The following RALA variants were observed in gnomAD, a reference collection of about 807,000 sequenced individuals.
RALA encodes ras-related protein Ral-A.
Under a neutral mutation model 24.0 loss-of-function variants are expected in RALA, and 5 were observed. The observed-to-expected ratio is 0.21, with a 90% CI of 0.11 to 0.44. The LOEUF is 0.44. RALA is among the 20% of genes least tolerant of loss of function. RALA has a pLI of 0.99. For missense variants in RALA, 95 were observed against 241.2 expected, an observed-to-expected ratio of 0.39 and a Z score of 4.01; for synonymous variants, 77 against 83.8, an observed-to-expected ratio of 0.92 and a Z score of 0.44.
intron 1 of RALA, among the ~76,000 whole-genome samples, chr7:39,662,748 G>A (rs1792214873): frequency 2.6e-5 from 4 of 152,056 alleles, no homozygotes; most frequent in African/African-American, 7.2e-5. Context: ...GTCTTCTTTG[G>A]AGCCCTCCAG....
At chr7:39,689,569 G>A (rs1259294447) in intron 2 of RALA, among the ~76,000 whole-genome samples, 1 of 152,110 alleles carries the variant, frequency 6.6e-6, no homozygotes, top group Non-Finnish European at 1.5e-5. Flanking sequence ...ATTTACAAGA[G>A]CTAATAAAAA....
intron 1 of RALA, among the ~76,000 whole-genome samples, chr7:39,654,442 G>A (rs955194092): frequency 1.3e-5 from 2 of 152,012 alleles, no homozygotes; most frequent in Admixed American, 6.6e-5. Flanking sequence ...GCCTCTTTTT[G>A]TCTTCTCCTC....
intron 1 of RALA, among the ~76,000 whole-genome samples, chr7:39,660,193 A>G (rs1792163978): frequency 6.6e-6 from 1 of 152,068 alleles, no homozygotes; most frequent in Non-Finnish European, 1.5e-5. Flanking sequence ...AAAAAGTACA[A>G]AAATTAGCCG....
chr7:39,657,845 A>G lies in RALA; in HGVS notation c.-37-28786A>G, dbSNP rs183927167. On this transcript the variant is annotated intron_variant, in intron 1 of 4. Coordinates refer to ENST00000005257, the MANE Select transcript of RALA (RefSeq NM_005402.4). ...GTAGGTGCATGTGTTTAGTATTTCA[A>G]TTTTAAATATGATTGTCTTTTAATG... Among the ~76,000 whole-genome samples the G allele has an allele frequency of 2.5e-3, 382 of 152,346 alleles. 2 individuals carry two copies. The highest frequency in any genetic ancestry group is 8.7e-3 in the African/African-American group (360 of 41,574).
intron 4 of RALA, among the ~76,000 whole-genome samples, chr7:39,701,509 T>C (rs1370377491): frequency 6.6e-6 from 1 of 152,068 alleles, no homozygotes; most frequent in Non-Finnish European, 1.5e-5. Flanking sequence ...TGAGACCCTA[T>C]CTCAAAAACA....
At chr7:39,667,533 G>A (rs1792306221) in intron 1 of RALA, among the ~76,000 whole-genome samples, 2 of 152,226 alleles carry the variant, frequency 1.3e-5, no homozygotes, top group South Asian at 2.1e-4. Context: ...AGGGAGGCCT[G>A]TAGGGGGAAT....
chr7:39,668,226 A>G (rs1792316962), intron 1 of RALA, among the ~76,000 whole-genome samples: 1 of 152,246 alleles, frequency 6.6e-6, no homozygotes, highest in South Asian at 2.1e-4. Context: ...GATACTAGCA[A>G]TACTAGCATA....
intron 1 of RALA, among the ~76,000 whole-genome samples, chr7:39,672,144 A>C (rs1480199868): frequency 6.6e-6 from 1 of 152,204 alleles, no homozygotes; most frequent in Non-Finnish European, 1.5e-5. Context: ...ATAAGCCACA[A>C]ACTGGAAGAA....
chr7:39,696,667 TC>T lies in RALA; in HGVS notation c.324-17del, dbSNP rs1293005516. 1.3e-6 allele frequency: 2 copies of T among 1,560,458 alleles called. No homozygotes were observed. The highest frequency in any genetic ancestry group is 1.7e-6 in the Non-Finnish European group (2 of 1,148,988). ...TCCTTATAATGTTAATATTTCTTTT[TC>T]ATTTTCTCTTATCCAGGGAGCAGAT... On this transcript the variant is annotated splice_polypyrimidine_tract_variant and intron_variant, in intron 3 of 4. Coordinates refer to ENST00000005257, the MANE Select transcript of RALA (RefSeq NM_005402.4).
intron 1 of RALA, among the ~76,000 whole-genome samples, chr7:39,637,628 A>T (rs1433719644): frequency 2.0e-5 from 3 of 152,246 alleles, no homozygotes; most frequent in African/African-American, 7.2e-5. Context: ...TTTATACACC[A>T]ACTATGTGCT....
At chr7:39,630,080 G>A (rs1380737277) in intron 1 of RALA, among the ~76,000 whole-genome samples, 1 of 151,888 alleles carries the variant, frequency 6.6e-6, no homozygotes, top group East Asian at 1.9e-4. Context: ...GGACCCTCCA[G>A]GCTGGAGTGC....
chr7:39,681,412 G>A (rs760425155), intron 1 of RALA, among the ~76,000 whole-genome samples: 48 of 139,664 alleles, frequency 3.4e-4, no homozygotes, highest in African/African-American at 9.0e-4. Flanking sequence ...GGAGCCTCCC[G>A]GGTTCAGGCG....
chr7:39,683,465 T>A, intron 1 of RALA, among the ~76,000 whole-genome samples: 1 of 152,204 alleles, frequency 6.6e-6, no homozygotes, highest in East Asian at 1.9e-4. Context: ...TTATTTTTTT[T>A]CATTGCACTT....
intron 4 of RALA, among the ~76,000 whole-genome samples, chr7:39,697,933 GT>G (rs2116102113): frequency 6.8e-6 from 1 of 147,862 alleles, no homozygotes; most frequent in East Asian, 2.0e-4. Flanking sequence ...TTTTTCTAAG[GT>G]TAGGACTAGG....
At chr7:39,642,530 A>G (rs187373665) in intron 1 of RALA, among the ~76,000 whole-genome samples, 23 of 152,252 alleles carry the variant, frequency 1.5e-4, no homozygotes, top group African/African-American at 5.3e-4. Flanking sequence ...TAATGTTTGC[A>G]TCAAAGAGGC....
At chr7:39,693,987 C>T (rs1436089479) in intron 3 of RALA, among the ~76,000 whole-genome samples, 1 of 152,144 alleles carries the variant, frequency 6.6e-6, no homozygotes, top group African/African-American at 2.4e-5. Flanking sequence ...TTTGCTACAT[C>T]GTGAGTAATC....
chr7:39,700,724 T>A (rs1793011982), intron 4 of RALA: 2 of 152,204 alleles, frequency 1.3e-5, no homozygotes, highest in Non-Finnish European at 2.9e-5. Flanking sequence ...GTGGCCAGTT[T>A]CAGTTAATAC....
At chr7:39,701,764 G>A (rs1793031228) in intron 4 of RALA, among the ~76,000 whole-genome samples, 1 of 152,172 alleles carries the variant, frequency 6.6e-6, no homozygotes, top group Admixed American at 6.5e-5. Flanking sequence ...TTTAAATCTA[G>A]TCATGAAAAA....
chr7:39,652,685 A>G (rs573958304), intron 1 of RALA, among the ~76,000 whole-genome samples: 2 of 152,304 alleles, frequency 1.3e-5, no homozygotes, highest in Admixed American at 6.5e-5. Context: ...GAGGTTTGCT[A>G]CTTTCTAGAG....
Sources: gnomAD v4.1 joint callset for allele counts (sites outside exome capture counted in the v4.1 genomes callset) on GRCh38, gnomAD v4.1.1 for gene constraint, MANE v1.5 for transcripts, NCBI Gene and HGNC (gene_info 2026-07-23, HGNC 2026-07-21) for gene names.